Variants in ANKFY1 observed in about 807,000 individuals in gnomAD.
ANKFY1 encodes the protein ankyrin repeat and FYVE domain containing 1.
ANKFY1 carries 47 observed loss-of-function variants against 128.3 expected under a neutral mutation model. The ratio of observed to expected loss-of-function variants is 0.37; its 90% CI spans 0.29 to 0.47. ANKFY1 has a LOEUF of 0.47. ANKFY1 is among the 20% of genes least tolerant of loss of function. The probability of loss-of-function intolerance (pLI) is 1.00; values close to 1 mark genes in which losing one functional copy is unlikely to be tolerated. For missense variants in ANKFY1, 1,222 were observed against 1,510.6 expected (o/e 0.81, Z 3.17); for synonymous variants, 553 against 601.6 (o/e 0.92, Z 1.18).
intron 4 of ANKFY1, 83 bp from the exon 5 acceptor site, chr17:4,210,030 G>C: frequency 7.3e-7 from 1 of 1,364,262 alleles, no homozygotes; most frequent in South Asian, 1.3e-5. Flanking sequence ...TCTTTGTACT[G>C]GCTGGCTATG....
chr17:4,206,306 C>T lies in ANKFY1; in HGVS notation c.898+15G>A. ...ATAAAATTGCCTGCAGGGAAACATA[C>T]ACACTTCTTCCTACCTCTTTGGATT... is the stretch of plus-strand genomic sequence containing the variant. On this transcript the variant is annotated intron_variant, in intron 7 of 24. Transcript: ENST00000341657. The T allele has an allele frequency of 1.9e-6, 3 of 1,605,044 alleles. No individual in the cohort carries two copies. The highest frequency in any genetic ancestry group is 2.6e-6 in the Non-Finnish European group (3 of 1,172,672).
At chr17:4,252,742 C>A (rs571466091) in intron 1 of ANKFY1, among the ~76,000 whole-genome samples, 20 of 152,256 alleles carry the variant, frequency 1.3e-4, no homozygotes, top group African/African-American at 4.6e-4. Flanking sequence ...ACAAAGAATT[C>A]TATTTAAATG....
At chr17:4,216,809 A>T in intron 4 of ANKFY1, 174 bp downstream of exon 4, 1 of 823,470 alleles carries the variant, frequency 1.2e-6, no homozygotes, top group South Asian at 1.5e-5. Context: ...AGCAAAATTT[A>T]GCTACAAGAT....
chr17:4,233,322 G>A (rs1012574088), intron 3 of ANKFY1, among the ~76,000 whole-genome samples: 1 of 151,074 alleles, frequency 6.6e-6, no homozygotes, highest in Non-Finnish European at 1.5e-5. Flanking sequence ...TCATAATTCT[G>A]TTATATATGA....
intron 10 of ANKFY1, among the ~76,000 whole-genome samples, chr17:4,190,913 G>A (rs966230406): frequency 3.9e-5 from 6 of 152,172 alleles, no homozygotes; most frequent in African/African-American, 1.4e-4. Flanking sequence ...TGAGTTGGGT[G>A]GATAATTTGA....
Position 4,172,513 on chromosome 17 carries a change from G to A in ANKFY1, c.3139+43C>T, listed in dbSNP as rs758057045. 3.1e-6 allele frequency: 5 copies of A among 1,589,376 alleles called. No individual in the cohort carries two copies. The Admixed American group carries it at 8.9e-5, about 28-fold the overall frequency. On this transcript the variant is annotated intron_variant, in intron 22 of 24. Coordinates refer to ENST00000341657, the MANE Select transcript of ANKFY1 (RefSeq NM_001330063.2). ...GGGCTCTTGCTTTTCCAGGAAGCAA[G>A]GTGCGCAAGTGAGACGGGACATACC... is the stretch of plus-strand genomic sequence containing the variant.
At chr17:4,234,350 C>T (rs2060566869) in intron 3 of ANKFY1, among the ~76,000 whole-genome samples, 1 of 151,984 alleles carries the variant, frequency 6.6e-6, no homozygotes, top group African/African-American at 2.4e-5. Flanking sequence ...TTTCCAATAG[C>T]AGTCAGGCAA....
rs763144475 is a variant in ANKFY1 at position 4,181,269 on chromosome 17, C to T, written c.2225G>A (p.Cys742Tyr). 6.2e-7 allele frequency: 1 copy of T among 1,613,882 alleles called. No homozygotes were observed. Among genetic ancestry groups the T allele is most frequent in the Non-Finnish European group, 8.5e-7 (1 of 1,179,778 alleles). Residue 742 changes from cysteine to tyrosine, a missense_variant, in exon 16 of 25, where the codon TGC becomes TAC. By Grantham distance (194) the Cys-to-Tyr change is radical. Transcript: ENST00000341657. This position sits in a 1 kb window ranked among gnomAD's most constrained non-coding sequence, Gnocchi z 4.9. ...AIDENNEPTACFLIRSGCDVN... is the reference protein window; with the variant it reads ...AIDENNEPTAYFLIRSGCDVN... ...ACTCTCAGACCTGCGAATAAGAAAGCAGGCGGTGGGCTCGTTGTTTTCATC... is the reference window on the plus strand; with the variant it reads ...ACTCTCAGACCTGCGAATAAGAAAGTAGGCGGTGGGCTCGTTGTTTTCATC...
intron 7 of ANKFY1, among the ~76,000 whole-genome samples, chr17:4,202,921 A>T (rs1238682252): frequency 6.6e-6 from 1 of 150,972 alleles, no homozygotes; most frequent in Non-Finnish European, 1.5e-5. Context: ...TAGACTTTGG[A>T]TCAGATTTAC....
intron 4 of ANKFY1, among the ~76,000 whole-genome samples, chr17:4,211,395 CAA>C (rs71383533): frequency 3.2e-5 from 4 of 126,902 alleles, no homozygotes; most frequent in Non-Finnish European, 3.3e-5. Context: ...AGACTCGTCT[CAA>C]AAAAAAAAAA....
Position 4,222,264 on chromosome 17 carries a change from C to G in ANKFY1, c.323-5146G>C, listed in dbSNP as rs2060335324. Reference sequence around the variant, plus strand: ...AGCTGCAGTCGGCGGCCGCGGGGCCCAGCGTGAGCCTCTACCTGAGTGAGG... The same window carrying G: ...AGCTGCAGTCGGCGGCCGCGGGGCCGAGCGTGAGCCTCTACCTGAGTGAGG... On this transcript the variant is annotated intron_variant, in intron 3 of 24. Coordinates refer to ENST00000341657, the MANE Select transcript of ANKFY1 (RefSeq NM_001330063.2). 2.6e-5 allele frequency: 14 copies of G among 547,836 alleles called. No homozygotes were observed. The South Asian group carries it at 2.9e-4, about 11-fold the overall frequency. The allele number at this position is 547,836 out of a possible 1,614,324, so 33.9% of individuals were successfully genotyped here. A position where few individuals can be genotyped will look rare whatever the true frequency, so the allele number is the denominator to read the frequency against.
Position 4,173,501 on chromosome 17 carries a change from ACTC to A in ANKFY1, c.2924-60_2924-58del, listed in dbSNP as rs142640201. The A allele has an allele frequency of 1.4e-4, 210 of 1,490,446 alleles. No homozygotes were observed. In the African/African-American group the frequency reaches 2.6e-3, roughly 19 times the overall value. 92.3% of individuals were successfully genotyped at this position (1,490,446 alleles called of 1,614,324 possible). A position where few individuals can be genotyped will look rare whatever the true frequency, so the allele number is the denominator to read the frequency against. ...CAGAAGCACATGCAGAAAAACCTCC[ACTC>A]CTCCTCACCCTCACAGACCTCTCTG... On this transcript the variant is annotated intron_variant, in intron 20 of 24. Transcript: ENST00000341657.
chr17:4,207,236 C>T (rs1416299534), intron 6 of ANKFY1, among the ~76,000 whole-genome samples: 1 of 151,868 alleles, frequency 6.6e-6, no homozygotes, highest in Non-Finnish European at 1.5e-5. Context: ...ATCTATCTAA[C>T]CACACAAGTC....
intron 23 of ANKFY1, among the ~76,000 whole-genome samples, chr17:4,170,326 CAG>C (rs2059293047): frequency 6.6e-6 from 1 of 152,140 alleles, no homozygotes; most frequent in Non-Finnish European, 1.5e-5. Context: ...AAAAGGGTCA[CAG>C]GGGAAGGAGA....
chr17:4,252,028 C>A (rs537176921), intron 1 of ANKFY1, among the ~76,000 whole-genome samples: 2 of 143,176 alleles, frequency 1.4e-5, no homozygotes, highest in African/African-American at 5.2e-5. Context: ...AACGAGACTC[C>A]GTCTTAAAAA....
At chr17:4,226,347 C>T (rs1598109613) in intron 3 of ANKFY1, among the ~76,000 whole-genome samples, 1 of 152,098 alleles carries the variant, frequency 6.6e-6, no homozygotes, top group East Asian at 1.9e-4. Context: ...CACAGTGAGA[C>T]CCTGTCTCTA....
At position 4,165,660 on chromosome 17, in the gene ANKFY1, T is replaced by C. The variant is rs1163858742; in HGVS notation, c.*2119A>G. On this transcript the variant is annotated 3_prime_UTR_variant, in exon 25 of 25. Coordinates refer to ENST00000341657, the MANE Select transcript of ANKFY1 (RefSeq NM_001330063.2). ...GTTCTCCCAGTCCATAGCTGGTCAGTACCATTGCTATCCCTGGACTCAGGC... is the reference window on the plus strand; with the variant it reads ...GTTCTCCCAGTCCATAGCTGGTCAGCACCATTGCTATCCCTGGACTCAGGC... 6.6e-6 allele frequency: 1 copy of C among 152,246 alleles called. No homozygotes were observed. The highest frequency in any genetic ancestry group is 1.5e-5 in the Non-Finnish European group (1 of 68,034). The allele number at this position is 152,246 out of a possible 1,614,324, so 9.4% of individuals were successfully genotyped here.
chr17:4,246,719 T>G (rs182362411), intron 1 of ANKFY1, among the ~76,000 whole-genome samples: 2 of 152,240 alleles, frequency 1.3e-5, no homozygotes, highest in African/African-American at 4.8e-5. Flanking sequence ...TATAGCTGGC[T>G]GGGGAATTTC....
chr17:4,251,792 T>G (rs981729409), intron 1 of ANKFY1, among the ~76,000 whole-genome samples: 2 of 152,088 alleles, frequency 1.3e-5, no homozygotes, highest in African/African-American at 4.8e-5. Flanking sequence ...CCCAGCACTT[T>G]GGGAGGCCAA....
Sources: gnomAD v4.1 joint callset for allele counts (sites outside exome capture counted in the v4.1 genomes callset) on GRCh38, gnomAD v4.1.1 for gene constraint, Gnocchi (gnomAD v3.1) non-coding constraint, MANE v1.5 for transcripts, NCBI Gene and HGNC (gene_info 2026-07-23, HGNC 2026-07-21) for gene names.